The following SUGCT variants were observed in gnomAD, a reference collection of about 807,000 sequenced individuals.
The protein encoded by SUGCT is succinyl-CoA:glutarate CoA-transferase.
In SUGCT, 41 loss-of-function variants were observed where a neutral mutation model predicts 55.0. The observed-to-expected ratio is 0.74, with a 90% CI of 0.58 to 0.97. The LOEUF is 0.97. SUGCT is among the 50% of genes least tolerant of loss of function. The probability of loss-of-function intolerance (pLI) is 0.00; values close to 1 mark genes in which losing one functional copy is unlikely to be tolerated. For synonymous variants in SUGCT, 187 were observed against 200.4 expected, an observed-to-expected ratio of 0.93 and a Z score of 0.56; for missense variants, 568 against 547.8, an observed-to-expected ratio of 1.04 and a Z score of -0.37.
chr7:40,943,601 G>C, the SUGCT span, among the ~76,000 whole-genome samples: 2 of 149,908 alleles, frequency 1.3e-5, no homozygotes, highest in Admixed American at 1.3e-4. Flanking sequence ...CCCTACAAAG[G>C]ACATGAACTC....
chr7:40,399,837 A>G (rs985811777), intron 9 of SUGCT, among the ~76,000 whole-genome samples: 37 of 152,142 alleles, frequency 2.4e-4, no homozygotes, highest in Admixed American at 2.4e-3. Flanking sequence ...AAAATGGTTT[A>G]GTGTTTCACC....
intron 1 of SUGCT, among the ~76,000 whole-genome samples, chr7:40,147,342 C>T (rs1788307492): frequency 6.6e-6 from 1 of 152,132 alleles, no homozygotes; most frequent in Non-Finnish European, 1.5e-5. Flanking sequence ...GATTTCTCAC[C>T]TCTTTCTGAG....
intron 13 of SUGCT, among the ~76,000 whole-genome samples, chr7:40,803,871 C>T (rs1253952901): frequency 3.3e-5 from 5 of 152,134 alleles, no homozygotes; most frequent in African/African-American, 1.2e-4. Flanking sequence ...TATATTGTTA[C>T]AATCTACAGT....
chr7:40,981,817 C>T, the SUGCT span, among the ~76,000 whole-genome samples: 2 of 152,196 alleles, frequency 1.3e-5, no homozygotes, highest in Non-Finnish European at 2.9e-5. Flanking sequence ...TTCTTCATTT[C>T]CATCTAAGAC....
At chr7:40,740,788 A>AG (rs1787418987) in intron 12 of SUGCT, among the ~76,000 whole-genome samples, 1 of 152,116 alleles carries the variant, frequency 6.6e-6, no homozygotes, top group South Asian at 2.1e-4. Flanking sequence ...AACACTTAAG[A>AG]ATAGGAAATA....
the SUGCT span, among the ~76,000 whole-genome samples, chr7:40,927,329 T>C: frequency 2.5e-4 from 38 of 152,336 alleles, no homozygotes; most frequent in African/African-American, 8.7e-4. Flanking sequence ...CTTTCTCTTG[T>C]CTTGCCTTGC....
intron 12 of SUGCT, among the ~76,000 whole-genome samples, chr7:40,546,324 A>C (rs1465550880): frequency 1.3e-5 from 2 of 152,182 alleles, no homozygotes; most frequent in East Asian, 1.9e-4. Context: ...TATACTCATA[A>C]ATTGGCTTTT....
rs1190559081 is a variant in SUGCT at position 40,237,710 on chromosome 7, A to C, written c.560A>C (p.His187Pro). The C allele has an allele frequency of 7.4e-6, 12 of 1,613,820 alleles. No homozygotes were observed. Among genetic ancestry groups the C allele is most frequent in the Non-Finnish European group, 1.0e-5 (12 of 1,179,712 alleles). ...AVASAVSGLM[H>P]ITGPENGDPV... ...GCCTCGGCTGTTTCTGGTCTGATGCACATCACAGGGCCTGAGGTAGGTATC... is the reference window on the plus strand; with the variant it reads ...GCCTCGGCTGTTTCTGGTCTGATGCCCATCACAGGGCCTGAGGTAGGTATC... Residue 187 changes from histidine to proline, a missense_variant, in exon 7 of 14, where the codon CAC (histidine) becomes CCC (proline). Coordinates refer to ENST00000335693, the MANE Select transcript of SUGCT (RefSeq NM_001193313.2).
At chr7:40,406,396 G>T (rs1354409252) in intron 9 of SUGCT, among the ~76,000 whole-genome samples, 1 of 152,148 alleles carries the variant, frequency 6.6e-6, no homozygotes, top group African/African-American at 2.4e-5. Context: ...CACAAAGGCA[G>T]TGTGGTCCCC....
At chr7:40,433,337 CTT>C (rs200117722) in intron 9 of SUGCT, among the ~76,000 whole-genome samples, 2 of 141,626 alleles carry the variant, frequency 1.4e-5, no homozygotes, top group African/African-American at 2.6e-5. Flanking sequence ...TTCTTTTTTT[CTT>C]TTTTTTTTTG....
At chr7:40,557,983 T>G (rs1224271593) in intron 12 of SUGCT, among the ~76,000 whole-genome samples, 1 of 151,196 alleles carries the variant, frequency 6.6e-6, no homozygotes, top group Non-Finnish European at 1.5e-5. Context: ...GATAAACAGA[T>G]GAAAACAGAT....
At chr7:40,555,162 G>A (rs549003833) in intron 12 of SUGCT, among the ~76,000 whole-genome samples, 29 of 151,910 alleles carry the variant, frequency 1.9e-4, no homozygotes, top group African/African-American at 6.5e-4. Flanking sequence ...GGGTATTTAT[G>A]AGCCCCCAGA....
At chr7:40,539,022 T>C (rs1794528807) in intron 12 of SUGCT, 1 of 148,394 alleles carries the variant, frequency 6.7e-6, no homozygotes, top group Admixed American at 6.8e-5. Context: ...GAGCTTGCAG[T>C]GAGCTGAGAT....
At chr7:40,899,286 C>T in the SUGCT span, among the ~76,000 whole-genome samples, 1 of 152,212 alleles carries the variant, frequency 6.6e-6, no homozygotes, top group East Asian at 1.9e-4. Flanking sequence ...GTATCTGACT[C>T]AGTGAGCAAC....
intron 9 of SUGCT, among the ~76,000 whole-genome samples, chr7:40,426,107 G>A (rs1179510201): frequency 6.6e-6 from 1 of 152,060 alleles, no homozygotes; most frequent in Admixed American, 6.6e-5. Context: ...ACTTGTTACA[G>A]GGAGATAAGC....
At chr7:41,019,556 G>T in the SUGCT span, among the ~76,000 whole-genome samples, 225 of 152,304 alleles carry the variant, frequency 1.5e-3, no homozygotes, top group African/African-American at 5.2e-3. Context: ...ATTATTACAA[G>T]ATTGGTCTGA....
the SUGCT span, chr7:40,967,371 A>G: frequency 6.6e-6 from 1 of 152,208 alleles, no homozygotes; most frequent in African/African-American, 2.4e-5. Flanking sequence ...TAATGAGAAA[A>G]TCACAGAATC....
chr7:40,449,504 C>A, intron 10 of SUGCT, 146 bp downstream of exon 10: 2 of 617,222 alleles, frequency 3.2e-6, no homozygotes, highest in Non-Finnish European at 5.8e-6. Flanking sequence ...AAGGCAGAGT[C>A]CAAATTAGCA....
At chr7:40,423,831 A>G (rs750761231) in intron 9 of SUGCT, among the ~76,000 whole-genome samples, 1 of 152,154 alleles carries the variant, frequency 6.6e-6, no homozygotes, top group African/African-American at 2.4e-5. Context: ...TGTTTACAAC[A>G]TCAAGGGGTT....
Sources: gnomAD v4.1 joint callset for allele counts (sites outside exome capture counted in the v4.1 genomes callset) on GRCh38, gnomAD v4.1.1 for gene constraint, MANE v1.5 for transcripts, NCBI Gene and HGNC (gene_info 2026-07-23, HGNC 2026-07-21) for gene names.